The following KCNH7 variants were observed in gnomAD, a reference collection of about 807,000 sequenced individuals.
KCNH7 encodes potassium voltage-gated channel subfamily H member 7.
A neutral mutation model predicts 120.8 loss-of-function variants in KCNH7; 49 were observed. The ratio of observed to expected loss-of-function variants is 0.41; its 90% confidence interval spans 0.32 to 0.51. The LOEUF is 0.51. KCNH7 is among the 20% of genes least tolerant of loss of function. KCNH7 has a pLI of 0.38. For synonymous variants in KCNH7, 547 were observed against 516.1 expected, an observed-to-expected ratio of 1.06 and a Z score of -0.81; for missense variants, 1,097 against 1,446.6, an observed-to-expected ratio of 0.76 and a Z score of 3.92.
intron 2 of KCNH7, among the ~76,000 whole-genome samples, chr2:162,568,367 C>T (rs984315960): frequency 6.6e-6 from 1 of 151,948 alleles, no homozygotes; most frequent in African/African-American, 2.4e-5. Flanking sequence ...AAGAGCGACA[C>T]CATACAGCTT....
At chr2:162,494,566 A>G (rs955123848) in intron 6 of KCNH7, among the ~76,000 whole-genome samples, 1 of 152,180 alleles carries the variant, frequency 6.6e-6, no homozygotes, top group Non-Finnish European at 1.5e-5. Context: ...ATGTCTGAGT[A>G]CATGCTATCA....
chr2:162,753,015 A>G (rs1040407462), intron 2 of KCNH7, among the ~76,000 whole-genome samples: 5 of 148,612 alleles, frequency 3.4e-5, no homozygotes, highest in South Asian at 2.1e-4. Flanking sequence ...AAAGAAAAGA[A>G]AAGAAAAGAA....
intron 2 of KCNH7, among the ~76,000 whole-genome samples, chr2:162,775,629 G>A (rs1225846941): frequency 6.6e-6 from 1 of 152,128 alleles, no homozygotes; most frequent in African/African-American, 2.4e-5. Context: ...AGATTTTTAG[G>A]ACCAAGATGA....
intron 2 of KCNH7, among the ~76,000 whole-genome samples, chr2:162,683,422 G>C (rs996785934): frequency 6.6e-6 from 1 of 151,636 alleles, no homozygotes; most frequent in Non-Finnish European, 1.5e-5. Context: ...AATAAGCTTC[G>C]GATTAATCAC....
At chr2:162,765,912 C>A (rs1682785215) in intron 2 of KCNH7, among the ~76,000 whole-genome samples, 1 of 151,994 alleles carries the variant, frequency 6.6e-6, no homozygotes, top group African/African-American at 2.4e-5. Flanking sequence ...CCCCACCAAG[C>A]CAGTTAATTT....
At chr2:162,622,525 A>T (rs925545327) in intron 2 of KCNH7, among the ~76,000 whole-genome samples, 1 of 152,210 alleles carries the variant, frequency 6.6e-6, no homozygotes, top group Non-Finnish European at 1.5e-5. Flanking sequence ...AAGTAGCCAC[A>T]TGCCAAAGGA....
chr2:162,836,502 T>C (rs1685668119), intron 2 of KCNH7, 35 bp downstream of exon 2: 1 of 1,542,784 alleles, frequency 6.5e-7, no homozygotes, highest in Non-Finnish European at 8.9e-7. Context: ...TTCAATGGGA[T>C]CAAATAGAAG....
intron 6 of KCNH7, among the ~76,000 whole-genome samples, chr2:162,477,826 A>G (rs1420246474): frequency 1.3e-5 from 2 of 151,458 alleles, no homozygotes; most frequent in Non-Finnish European, 2.9e-5. Flanking sequence ...CTATCCATCC[A>G]TCCATCCATC....
intron 2 of KCNH7, among the ~76,000 whole-genome samples, chr2:162,705,876 C>A (rs1165765481): frequency 6.6e-6 from 1 of 152,094 alleles, no homozygotes; most frequent in African/African-American, 2.4e-5. Context: ...AGTGAAAACA[C>A]CCTAAATCAA....
chr2:162,744,568 C>CTTTTTT (rs144013923), intron 2 of KCNH7, among the ~76,000 whole-genome samples: 6 of 115,314 alleles, frequency 5.2e-5, no homozygotes, highest in Admixed American at 1.9e-4. Flanking sequence ...ATTCACAGAA[C>CTTTTTT]TTTTTTTTTT....
chr2:162,757,259 G>A (rs1688816730), intron 2 of KCNH7, among the ~76,000 whole-genome samples: 1 of 152,068 alleles, frequency 6.6e-6, no homozygotes, highest in African/African-American at 2.4e-5. Flanking sequence ...TCAGTGTTTA[G>A]AGATTTAAAT....
At chr2:162,754,790 A>C (rs1688727512) in intron 2 of KCNH7, among the ~76,000 whole-genome samples, 1 of 152,208 alleles carries the variant, frequency 6.6e-6, no homozygotes, top group Admixed American at 6.5e-5. Context: ...GAAAAAATGA[A>C]TTATGAAGAA....
intron 2 of KCNH7, among the ~76,000 whole-genome samples, chr2:162,693,894 T>C (rs1280250397): frequency 6.6e-6 from 1 of 152,064 alleles, no homozygotes; most frequent in African/African-American, 2.4e-5. Context: ...TACAGATTAA[T>C]AAAGAGTCAA....
intron 2 of KCNH7, among the ~76,000 whole-genome samples, chr2:162,706,673 A>G (rs1686713194): frequency 6.6e-6 from 1 of 152,134 alleles, no homozygotes; most frequent in Admixed American, 6.6e-5. Flanking sequence ...AGAAGCTTAC[A>G]GAGCTCTTGA....
intron 2 of KCNH7, among the ~76,000 whole-genome samples, chr2:162,546,373 A>G (rs1692477289): frequency 6.6e-6 from 1 of 152,278 alleles, no homozygotes; most frequent in African/African-American, 2.4e-5. Flanking sequence ...TTCACCAGAC[A>G]TATTTATGTT....
At chr2:162,489,378 A>C (rs1452490102) in intron 6 of KCNH7, among the ~76,000 whole-genome samples, 1 of 152,212 alleles carries the variant, frequency 6.6e-6, no homozygotes, top group Admixed American at 6.5e-5. Flanking sequence ...ATGAGCTAAA[A>C]AAAAAATGCA....
chr2:162,698,657 C>T (rs984506111), intron 2 of KCNH7, among the ~76,000 whole-genome samples: 9 of 152,046 alleles, frequency 5.9e-5, no homozygotes, highest in African/African-American at 2.2e-4. Flanking sequence ...CTAGGTTCTA[C>T]ATTTACTTAG....
At chr2:162,548,464 A>G (rs1443387712) in intron 2 of KCNH7, among the ~76,000 whole-genome samples, 1 of 152,138 alleles carries the variant, frequency 6.6e-6, no homozygotes, top group Admixed American at 6.5e-5. Context: ...TGTCTTACAC[A>G]TATTAGGCTT....
chr2:162,499,621 A>G (rs1690610892), intron 6 of KCNH7, among the ~76,000 whole-genome samples: 1 of 152,168 alleles, frequency 6.6e-6, no homozygotes, highest in African/African-American at 2.4e-5. Flanking sequence ...GCAAGAATTG[A>G]AGTCTTGCCT....
Sources: gnomAD v4.1 joint callset for allele counts (sites outside exome capture counted in the v4.1 genomes callset) on GRCh38, gnomAD v4.1.1 for gene constraint, MANE v1.5 for transcripts, NCBI Gene and HGNC (gene_info 2026-07-23, HGNC 2026-07-21) for gene names.